Variants in KIF6 observed in about 807,000 individuals in gnomAD.
KIF6 encodes the protein kinesin-like protein KIF6.
A neutral mutation model predicts 112.7 loss-of-function variants in KIF6; 106 were observed. The observed-to-expected ratio is 0.94, with a 90% CI of 0.80 to 1.11. The LOEUF (loss-of-function observed/expected upper bound fraction) is 1.11. KIF6 is among the 50% of genes least tolerant of loss of function. The pLI, the probability that KIF6 is intolerant of heterozygous loss-of-function variation, is 0.00. For synonymous variants in KIF6, 339 were observed against 339.9 expected (o/e 1.00, Z 0.03); for missense variants, 929 against 964.0 (o/e 0.96, Z 0.48).
chr6:39,434,297 C>T (rs927524032), intron 13 of KIF6, among the ~76,000 whole-genome samples: 7 of 151,996 alleles, frequency 4.6e-5, no homozygotes, highest in Non-Finnish European at 2.9e-5. Context: ...GGCGCAATGG[C>T]TCACGACTGT....
At chr6:39,694,708 G>GT (rs1788423981) in intron 3 of KIF6, among the ~76,000 whole-genome samples, 1 of 152,156 alleles carries the variant, frequency 6.6e-6, no homozygotes, top group African/African-American at 2.4e-5. Context: ...TTCATGGATT[G>GT]TAAGAATCAA....
At chr6:39,360,643 G>T in intron 17 of KIF6, 113 bp from the exon 18 acceptor site, 1 of 1,239,798 alleles carries the variant, frequency 8.1e-7, no homozygotes, top group Non-Finnish European at 1.1e-6. Flanking sequence ...AGCTGCCCTG[G>T]TGCTCAGGGA....
At chr6:39,557,539 G>C (rs1231583874) in intron 10 of KIF6, among the ~76,000 whole-genome samples, 1 of 152,070 alleles carries the variant, frequency 6.6e-6, no homozygotes, top group African/African-American at 2.4e-5. Flanking sequence ...TTCCTGAATG[G>C]GAAGATGCAG....
intron 5 of KIF6, among the ~76,000 whole-genome samples, chr6:39,618,837 A>T (rs1188333955): frequency 1.3e-5 from 2 of 152,112 alleles, no homozygotes; most frequent in African/African-American, 4.8e-5. Context: ...CCTAAAACCC[A>T]ACTCTGACTT....
At chr6:39,410,443 A>G (rs1769401917) in intron 15 of KIF6, among the ~76,000 whole-genome samples, 1 of 152,238 alleles carries the variant, frequency 6.6e-6, no homozygotes, top group Non-Finnish European at 1.5e-5. Flanking sequence ...ACCATATTCT[A>G]TAATAAATCC....
chr6:39,537,411 A>G (rs1377635720), intron 13 of KIF6, among the ~76,000 whole-genome samples: 1 of 152,120 alleles, frequency 6.6e-6, no homozygotes, highest in East Asian at 1.9e-4. Flanking sequence ...AAGCATTCCT[A>G]TACACCAACA....
At chr6:39,361,588 G>T (rs964162456) in intron 17 of KIF6, among the ~76,000 whole-genome samples, 17 of 151,612 alleles carry the variant, frequency 1.1e-4, no homozygotes, top group Non-Finnish European at 1.9e-4. Flanking sequence ...AAAGCGGGGG[G>T]TGTTGGAAAG....
intron 10 of KIF6, among the ~76,000 whole-genome samples, chr6:39,546,548 G>A (rs547284855): frequency 5.3e-5 from 8 of 152,202 alleles, no homozygotes; most frequent in East Asian, 1.9e-4. Flanking sequence ...TAGTTTGGCC[G>A]GGTACAGTGG....
intron 10 of KIF6, among the ~76,000 whole-genome samples, chr6:39,548,957 G>C (rs1229892092): frequency 6.6e-6 from 1 of 152,180 alleles, no homozygotes; most frequent in Non-Finnish European, 1.5e-5. Context: ...ACACCATTCA[G>C]TAACAAGAAA....
intron 14 of KIF6, among the ~76,000 whole-genome samples, chr6:39,421,803 T>A (rs1488070267): frequency 6.6e-6 from 1 of 152,192 alleles, no homozygotes; most frequent in Admixed American, 6.5e-5. Context: ...GAAGTACAGT[T>A]CCACTTGATG....
intron 3 of KIF6, among the ~76,000 whole-genome samples, chr6:39,654,951 A>G (rs1355036599): frequency 6.6e-6 from 1 of 152,184 alleles, no homozygotes; most frequent in Admixed American, 6.5e-5. Flanking sequence ...TTGCCATTAC[A>G]AACAGTGCTG....
rs1762711199 is a variant in KIF6, at chr6:39,330,825, T to C, written c.*5707A>G. ...TCGCAAGGTGAGGAGGAGCTTGTAT[T>C]CAAGGAAACACTGCTTTTTCCTCCC... On this transcript the variant is annotated 3_prime_UTR_variant, in exon 23 of 23. Coordinates refer to ENST00000287152, the MANE Select transcript of KIF6 (RefSeq NM_145027.6). The C allele has an allele frequency of 1.3e-5, 2 of 152,234 alleles. No homozygotes were observed. The highest frequency in any genetic ancestry group is 2.9e-5 in the Non-Finnish European group (2 of 68,058). The allele number at this position is 152,234 out of a possible 1,614,324, so 9.4% of individuals were successfully genotyped here.
chr6:39,622,429 T>G (rs1783880216), intron 5 of KIF6, among the ~76,000 whole-genome samples: 1 of 152,206 alleles, frequency 6.6e-6, no homozygotes, highest in African/African-American at 2.4e-5. Context: ...TTTCTGTACT[T>G]TTTAAGCTTA....
intron 13 of KIF6, among the ~76,000 whole-genome samples, chr6:39,504,788 A>G (rs1776341196): frequency 6.6e-6 from 1 of 152,208 alleles, no homozygotes; most frequent in South Asian, 2.1e-4. Context: ...AATACAGCTT[A>G]CAAGGGAAGT....
At chr6:39,370,160 T>C (rs1765860649) in intron 16 of KIF6, among the ~76,000 whole-genome samples, 1 of 152,186 alleles carries the variant, frequency 6.6e-6, no homozygotes, top group African/African-American at 2.4e-5. Flanking sequence ...ACCATATGGC[T>C]CAGTGCAGTG....
At chr6:39,705,259 T>C (rs1789135448) in intron 3 of KIF6, among the ~76,000 whole-genome samples, 1 of 152,198 alleles carries the variant, frequency 6.6e-6, no homozygotes, top group African/African-American at 2.4e-5. Flanking sequence ...GGCCTGAGAA[T>C]GTGCATTTCT....
At chr6:39,627,857 T>C (rs1044592502) in intron 5 of KIF6, among the ~76,000 whole-genome samples, 1 of 152,182 alleles carries the variant, frequency 6.6e-6, no homozygotes, top group African/African-American at 2.4e-5. Flanking sequence ...CCTGTTTTAC[T>C]TCATGAGACA....
At chr6:39,544,307 A>G (rs1176035903) in intron 12 of KIF6, among the ~76,000 whole-genome samples, 1 of 152,266 alleles carries the variant, frequency 6.6e-6, no homozygotes. Context: ...ATACTTTGAA[A>G]TAAACTAAAA....
chr6:39,710,287 C>T (rs1180855671), intron 3 of KIF6, among the ~76,000 whole-genome samples: 1 of 152,130 alleles, frequency 6.6e-6, no homozygotes, highest in Non-Finnish European at 1.5e-5. Flanking sequence ...GCCATCCCTT[C>T]CCCATAGACA....
Sources: gnomAD v4.1 joint callset for allele counts (sites outside exome capture counted in the v4.1 genomes callset) on GRCh38, gnomAD v4.1.1 for gene constraint, MANE v1.5 for transcripts, NCBI Gene and HGNC (gene_info 2026-07-23, HGNC 2026-07-21) for gene names.